Variants in CCDC137 observed in about 807,000 individuals in gnomAD.
The protein encoded by CCDC137 is coiled-coil domain containing 137.
Under a neutral mutation model 30.4 loss-of-function variants are expected in CCDC137, and 24 were observed. The ratio of observed to expected loss-of-function variants is 0.79; its 90% CI spans 0.57 to 1.11. The LOEUF (loss-of-function observed/expected upper bound fraction) is 1.11, where lower values mean the gene tolerates loss of function less well. CCDC137 is among the 50% of genes least tolerant of loss of function. The pLI, the probability that CCDC137 is intolerant of heterozygous loss-of-function variation, is 0.00. For synonymous variants in CCDC137, 182 were observed against 155.7 expected, an observed-to-expected ratio of 1.17 and a Z score of -1.26; for missense variants, 417 against 380.4, an observed-to-expected ratio of 1.10 and a Z score of -0.80.
At chr17:81,671,978 C>T in intron 4 of CCDC137, 98 bp from the exon 5 acceptor site, 3 of 1,500,156 alleles carry the variant, frequency 2.0e-6, no homozygotes, top group Non-Finnish European at 2.8e-6. Flanking sequence ...GGTGTTCTGT[C>T]CCAGCCCTAT....
At chr17:81,670,510 G>T in intron 3 of CCDC137, 57 bp downstream of exon 3, 1 of 1,478,732 alleles carries the variant, frequency 6.8e-7, no homozygotes, top group Non-Finnish European at 9.3e-7. Context: ...GAAGACATTG[G>T]GTTCCCATGA....
At position 81,667,786 on chromosome 17, in the gene CCDC137, T is replaced by C; in HGVS notation, c.192T>C (p.Pro64=). 2 of 1,613,346 alleles carry C rather than the reference T, an allele frequency of 1.2e-6. No homozygotes were observed. Among genetic ancestry groups the C allele is most frequent in the Non-Finnish European group, 1.7e-6 (2 of 1,180,006 alleles). ...KPKNQDEQEI[P]FRLREIMRSR... is the part of the protein sequence containing the mutation. ...AGAACCAGGACGAACAGGAGATTCC[T>C]TTCCGGCTCCGGGAGATTATGAGGA... The change falls in exon 2 of 6, where the codon CCT becomes CCC. Residue 64 remains proline (P), a synonymous_variant. Coordinates refer to ENST00000329214, the MANE Select transcript of CCDC137 (RefSeq NM_199287.3).
chr17:81,666,915 C>T lies in CCDC137; in HGVS notation c.134+15C>T, dbSNP rs766646693. On this transcript the variant is annotated intron_variant, in intron 1 of 5. Transcript: ENST00000329214. Reference sequence around the variant, plus strand: ...GGGCTTCGCAGGTGACTGCGCTGCCCCGCGAGGCCGCCACACTTCCCCAGA... The same window carrying T: ...GGGCTTCGCAGGTGACTGCGCTGCCTCGCGAGGCCGCCACACTTCCCCAGA... 15 of 1,254,848 alleles carry T rather than the reference C, an allele frequency of 1.2e-5. No homozygotes were observed. The highest frequency in any genetic ancestry group is 4.2e-5 in the Admixed American group (1 of 23,784). 77.7% of individuals were successfully genotyped at this position (1,254,848 alleles called of 1,614,324 possible).
Position 81,672,168 on chromosome 17 carries a change from C to G in CCDC137, c.660+13C>G, listed in dbSNP as rs7502870. 1.2e-6 allele frequency: 2 copies of G among 1,612,766 alleles called. No individual in the cohort carries two copies. Among genetic ancestry groups the G allele is most frequent in the Non-Finnish European group, 1.7e-6 (2 of 1,179,274 alleles). ...AAGCAAGGACCAGGTAAGTGGGGCA[C>G]GGGGACAACTTGAGTTTGTCCCCCA... On this transcript the variant is annotated intron_variant, in intron 5 of 5. Coordinates refer to ENST00000329214, the MANE Select transcript of CCDC137 (RefSeq NM_199287.3).
At chr17:81,668,013 G>C (rs1216947384) in intron 2 of CCDC137, 151 bp downstream of exon 2, 1 of 977,632 alleles carries the variant, frequency 1.0e-6, no homozygotes, top group Non-Finnish European at 1.5e-6. Context: ...TAAAGCAGTG[G>C]CTGGCAGCTG....
At chr17:81,672,465 C>T (rs149789072) in intron 5 of CCDC137, 30 bp from the exon 6 acceptor site, 2 of 1,542,068 alleles carry the variant, frequency 1.3e-6, no homozygotes, top group Non-Finnish European at 1.8e-6. Context: ...CTTTCCCAGC[C>T]TGTGCCTCAC....
Position 81,673,157 on chromosome 17 carries a change from C to G in CCDC137, c.*453C>G, listed in dbSNP as rs879616120. 1.2e-5 allele frequency: 2 copies of G among 171,916 alleles called. No individual in the cohort carries two copies. Among genetic ancestry groups the G allele is most frequent in the Admixed American group, 1.1e-4 (2 of 17,972 alleles). 10.6% of individuals were successfully genotyped at this position (171,916 alleles called of 1,614,324 possible). A position where few individuals can be genotyped will look rare whatever the true frequency, so the allele number is the denominator to read the frequency against. The stretch of plus-strand genomic sequence containing the variant: ...ATCGGGACAGGGCTCTGCAGGGGAC[C>G]GTGACTACAGGCCAGCTGTGAGTGG... On this transcript the variant is annotated 3_prime_UTR_variant, in exon 6 of 6. Coordinates refer to ENST00000329214, the MANE Select transcript of CCDC137 (RefSeq NM_199287.3).
chr17:81,673,314 G>A lies in CCDC137; in HGVS notation c.*610G>A, dbSNP rs1374442168. The stretch of plus-strand genomic sequence containing the variant: ...TGTAATGCCAGCACTTTGGGCAGCT[G>A]AGGCGAGTGGATCACCTGAGGTCAG... On this transcript the variant is annotated 3_prime_UTR_variant, in exon 6 of 6. Coordinates refer to ENST00000329214, the MANE Select transcript of CCDC137 (RefSeq NM_199287.3). 1 of 152,672 alleles carries A rather than the reference G, an allele frequency of 6.5e-6. No individual in the cohort carries two copies. The highest frequency in any genetic ancestry group is 1.5e-5 in the Non-Finnish European group (1 of 68,446). The allele number at this position is 152,672 out of a possible 1,614,324, so 9.5% of individuals were successfully genotyped here. A position where few individuals can be genotyped will look rare whatever the true frequency, so the allele number is the denominator to read the frequency against.
Position 81,672,717 on chromosome 17 carries a change from C to A in CCDC137, c.*13C>A. On this transcript the variant is annotated 3_prime_UTR_variant, in exon 6 of 6. Transcript: ENST00000329214. Reference sequence around the variant, plus strand: ...GCCGCAGCTGTGATGGAGAGACACCCGGGGCCTGGCCACGCTCTGGGGCAA... The same window carrying A: ...GCCGCAGCTGTGATGGAGAGACACCAGGGGCCTGGCCACGCTCTGGGGCAA... 6.4e-7 allele frequency: 1 copy of A among 1,553,762 alleles called. No homozygotes were observed. The highest frequency in any genetic ancestry group is 1.2e-5 in the South Asian group (1 of 83,908).
intron 1 of CCDC137, among the ~76,000 whole-genome samples, chr17:81,667,520 G>A (rs1265441479): frequency 6.6e-6 from 1 of 151,986 alleles, no homozygotes; most frequent in Non-Finnish European, 1.5e-5. Context: ...GTAGAGACGG[G>A]GTTTCACTGT....
Position 81,672,325 on chromosome 17 carries a change from G to A in CCDC137, c.660+170G>A, listed in dbSNP as rs890317986. On this transcript the variant is annotated intron_variant, in intron 5 of 5. Transcript: ENST00000329214. The stretch of plus-strand genomic sequence containing the variant: ...TTGATACCAGCCTGGACAACATAGC[G>A]AGATCCTGTGTCAAGAAAAAAAAAA... Among the ~76,000 whole-genome samples the A allele has an allele frequency of 3.3e-5, 5 of 151,322 alleles. 1 individual carries two copies. The highest frequency in any genetic ancestry group is 2.6e-4 in the Admixed American group (4 of 15,218).
At chr17:81,672,321 T>A (rs576970433) in intron 5 of CCDC137, among the ~76,000 whole-genome samples, 166 bp downstream of exon 5, 1 of 151,340 alleles carries the variant, frequency 6.6e-6, no homozygotes, top group African/African-American at 2.4e-5. Context: ...CTGGACAACA[T>A]AGCGAGATCC....
In CCDC137 at chr17:81,671,562, CCTT is replaced by C. The variant is rs1228092044; in HGVS notation, c.498-178_498-176del. 4 of 600,428 alleles carry C rather than the reference CCTT, an allele frequency of 6.7e-6. No homozygotes were observed. In the Admixed American group the frequency reaches 8.5e-5, roughly 13 times the overall value. 37.2% of individuals were successfully genotyped at this position (600,428 alleles called of 1,614,324 possible). ...TGTGAGGGGCCTGTTGGGGTCAGAG[CCTT>C]CTTTGGTGGGCAGCTGTGGGTTTTG... On this transcript the variant is annotated intron_variant, in intron 3 of 5. Coordinates refer to ENST00000329214, the MANE Select transcript of CCDC137 (RefSeq NM_199287.3).
intron 1 of CCDC137, 67 bp downstream of exon 1, chr17:81,666,967 CG>C: frequency 8.1e-7 from 1 of 1,237,086 alleles, no homozygotes; most frequent in Non-Finnish European, 1.0e-6. Flanking sequence ...AGGCTCCGCC[CG>C]GGACCCCCTA....
intron 5 of CCDC137, 138 bp downstream of exon 5, chr17:81,672,293 C>A: frequency 2.0e-6 from 2 of 1,002,248 alleles, no homozygotes; most frequent in South Asian, 1.4e-5. Context: ...TTGCTTGAGC[C>A]CAGGAGTTGA....
In CCDC137 at chr17:81,667,877, A is replaced by G. The variant is rs754737340; in HGVS notation, c.268+15A>G. On this transcript the variant is annotated intron_variant, in intron 2 of 5. Transcript: ENST00000329214. ...GAAGAAAGCAGGTGTGTGCAGGCCC[A>G]TACTGGGCGGCAGTGAAGCTTTGTG... 2.7e-5 allele frequency: 44 copies of G among 1,609,218 alleles called. No individual in the cohort carries two copies. Among genetic ancestry groups the G allele is most frequent in the Non-Finnish European group, 3.6e-5 (43 of 1,179,198 alleles).
At chr17:81,670,575 G>A in intron 3 of CCDC137, 122 bp downstream of exon 3, 3 of 827,946 alleles carry the variant, frequency 3.6e-6, no homozygotes, top group Non-Finnish European at 5.6e-6. Context: ...GATTCAGGGA[G>A]ACCAAGCCAG....
intron 2 of CCDC137, 22 bp from the exon 3 acceptor site, chr17:81,670,203 T>C (rs1437030757): frequency 6.3e-7 from 1 of 1,597,628 alleles, no homozygotes; most frequent in Admixed American, 1.7e-5. Context: ...CTGCCTCCTC[T>C]GAGGCCTCCC....
rs753872165 is a variant in CCDC137 at position 81,671,740 on chromosome 17, C to A, written c.498-4C>A. 4 of 1,611,844 alleles carry A rather than the reference C, an allele frequency of 2.5e-6. No individual in the cohort carries two copies. Among genetic ancestry groups the A allele is most frequent in the Non-Finnish European group, 3.4e-6 (4 of 1,179,552 alleles). On this transcript the variant is annotated splice_polypyrimidine_tract_variant and splice_region_variant and intron_variant, in intron 3 of 5. Coordinates refer to ENST00000329214, the MANE Select transcript of CCDC137 (RefSeq NM_199287.3). ...ATCTGAGTGACATGTGCTTTCTTCCCCAGGTTCCAGAAGCGGCGACTAGAT... is the reference window on the plus strand; with the variant it reads ...ATCTGAGTGACATGTGCTTTCTTCCACAGGTTCCAGAAGCGGCGACTAGAT...
Sources: allele counts gnomAD v4.1 joint callset (sites outside exome capture counted in the v4.1 genomes callset), GRCh38; gene constraint gnomAD v4.1.1; transcripts MANE v1.5; gene names NCBI Gene and HGNC (gene_info 2026-07-23, HGNC 2026-07-21).